COQ10B: variants seen among roughly 807,000 people sequenced by gnomAD.
COQ10B encodes coenzyme Q10B, also known as coenzyme Q-binding protein COQ10 homolog B, mitochondrial.
In COQ10B, 12 loss-of-function variants were observed where a neutral mutation model predicts 27.6. That is an observed-to-expected ratio of 0.43 (90% CI 0.28 to 0.70). The LOEUF (loss-of-function observed/expected upper bound fraction) is 0.70. Among genes scored for constraint, COQ10B ranks in the 30% least tolerant of loss-of-function variants. COQ10B has a pLI of 0.17. For synonymous variants in COQ10B, 115 were observed against 103.0 expected (o/e 1.12, Z -0.71); for missense variants, 278 against 288.7 (o/e 0.96, Z 0.27).
intron 4 of COQ10B, among the ~76,000 whole-genome samples, chr2:197,471,883 A>C (rs556927445): frequency 1.3e-5 from 2 of 151,438 alleles, no homozygotes; most frequent in South Asian, 4.2e-4. Flanking sequence ...TGGACGTTGC[A>C]GTGATCTGAG....
chr2:197,468,294 T>A (rs1046831057), intron 3 of COQ10B, among the ~76,000 whole-genome samples: 1 of 151,412 alleles, frequency 6.6e-6, no homozygotes, highest in Admixed American at 6.6e-5. Context: ...CGAAAAAAAA[T>A]TAGCCGAGCA....
At position 197,474,572 on chromosome 2, in the gene COQ10B, G is replaced by C. The variant is rs557923325; in HGVS notation, c.*648G>C. 6.6e-6 allele frequency: 1 copy of C among 152,348 alleles called. No homozygotes were observed. Among genetic ancestry groups the C allele is most frequent in the East Asian group, 1.9e-4 (1 of 5,192 alleles). The allele number at this position is 152,348 out of a possible 1,614,324, so 9.4% of individuals were successfully genotyped here. ...GTGGTGGCACACACCTGTAATCCCA[G>C]TTACTTGGGAGGCTGAGGCACAAGA... On this transcript the variant is annotated 3_prime_UTR_variant, in exon 5 of 5. Transcript: ENST00000263960.
At chr2:197,459,202 G>T (rs1330128936) in intron 1 of COQ10B, among the ~76,000 whole-genome samples, 1 of 152,154 alleles carries the variant, frequency 6.6e-6, no homozygotes, top group African/African-American at 2.4e-5. Flanking sequence ...GTCTCGCCCT[G>T]TCACCCAGGC....
At chr2:197,454,250 G>C in intron 1 of COQ10B, 1 of 1,065,374 alleles carries the variant, frequency 9.4e-7, no homozygotes, top group South Asian at 1.7e-5. Context: ...TTTCCTGGTT[G>C]GTTCATTTTT....
At chr2:197,453,837 A>C in intron 1 of COQ10B, 173 bp downstream of exon 1, 2 of 1,098,356 alleles carry the variant, frequency 1.8e-6, no homozygotes, top group Non-Finnish European at 2.6e-6. Context: ...AGCGGCGCGC[A>C]TCACCTTGGG....
At chr2:197,456,321 T>TG (rs1256891898) in intron 1 of COQ10B, among the ~76,000 whole-genome samples, 1 of 148,324 alleles carries the variant, frequency 6.7e-6, no homozygotes, top group African/African-American at 2.5e-5. Flanking sequence ...AAAAATTACC[T>TG]GGGTGTGGTG....
chr2:197,465,284 G>A (rs1249251673), intron 3 of COQ10B, among the ~76,000 whole-genome samples: 1 of 148,502 alleles, frequency 6.7e-6, no homozygotes, highest in African/African-American at 2.5e-5. Context: ...TCTGTTCCCT[G>A]CCGCCTTTTT....
At chr2:197,457,747 G>A (rs1307244723) in intron 1 of COQ10B, among the ~76,000 whole-genome samples, 4 of 151,126 alleles carry the variant, frequency 2.6e-5, no homozygotes, top group Admixed American at 2.0e-4. Flanking sequence ...TCAGCCTCCC[G>A]AGTAGCTGGG....
chr2:197,464,032 T>C (rs1489928849), intron 3 of COQ10B, among the ~76,000 whole-genome samples: 46 of 84,658 alleles, frequency 5.4e-4, no homozygotes, highest in Admixed American at 1.7e-3. Flanking sequence ...CACACATACA[T>C]ACACACACAT....
rs2085931515 is a variant in COQ10B, at chr2:197,474,752, T to C, written c.*828T>C. 6.6e-6 allele frequency: 1 copy of C among 151,974 alleles called. No individual in the cohort carries two copies. The highest frequency in any genetic ancestry group is 1.5e-5 in the Non-Finnish European group (1 of 67,998). The allele number at this position is 151,974 out of a possible 1,614,324, so 9.4% of individuals were successfully genotyped here. A position where few individuals can be genotyped will look rare whatever the true frequency, so the allele number is the denominator to read the frequency against. On this transcript the variant is annotated 3_prime_UTR_variant, in exon 5 of 5. Transcript: ENST00000263960. ...CTTTTGATATTTTAAAAATTGTTCTTATGACTAGTAGATAAATTCATTGCC... is the reference window on the plus strand; with the variant it reads ...CTTTTGATATTTTAAAAATTGTTCTCATGACTAGTAGATAAATTCATTGCC...
At chr2:197,462,809 C>T in intron 3 of COQ10B, 78 bp downstream of exon 3, 1 of 840,952 alleles carries the variant, frequency 1.2e-6, no homozygotes, top group South Asian at 2.2e-5. Flanking sequence ...ATGTAATAGC[C>T]TAAAAAAACT....
Position 197,473,828 on chromosome 2 carries a change from G to A in COQ10B, c.621G>A (p.Gln207=). 2 of 1,602,520 alleles carry A rather than the reference G, an allele frequency of 1.2e-6. No homozygotes were observed. Among genetic ancestry groups the A allele is most frequent in the Non-Finnish European group, 1.7e-6 (2 of 1,172,476 alleles). Residue 207 remains glutamine (Q), a synonymous_variant, in exon 5 of 5, where the codon CAG becomes CAA. Coordinates refer to ENST00000263960, the MANE Select transcript of COQ10B (RefSeq NM_025147.5). The part of the protein sequence containing the change: ...ATLFFDEVVK[Q]MVAAFERRAC... ...TCTTTTTTGATGAAGTTGTGAAGCAGATGGTAGCTGCCTTTGAAAGAAGAG... is the reference window on the plus strand; with the variant it reads ...TCTTTTTTGATGAAGTTGTGAAGCAAATGGTAGCTGCCTTTGAAAGAAGAG...
intron 3 of COQ10B, among the ~76,000 whole-genome samples, chr2:197,469,328 C>T (rs569658482): frequency 1.3e-5 from 2 of 152,250 alleles, no homozygotes; most frequent in Non-Finnish European, 2.9e-5. Flanking sequence ...CCTTGGCCTC[C>T]CAAAGTGATG....
At chr2:197,458,321 A>G (rs1036222131) in intron 1 of COQ10B, among the ~76,000 whole-genome samples, 1 of 152,082 alleles carries the variant, frequency 6.6e-6, no homozygotes. Context: ...GTTATTATAT[A>G]TGTACACACT....
chr2:197,462,663 A>G lies in COQ10B; in HGVS notation c.379A>G (p.Ile127Val). ...TGGATATTGTAAAACAAGATTAGAAATTGGATTTCCACCTGTGTTGGAGCG... is the reference window on the plus strand; with the variant it reads ...TGGATATTGTAAAACAAGATTAGAAGTTGGATTTCCACCTGTGTTGGAGCG... ...RSGYCKTRLE[I>V]GFPPVLERYT... is the part of the protein sequence containing the mutation. Residue 127 changes from isoleucine to valine, a missense_variant, in exon 3 of 5, where the codon ATT (isoleucine) becomes GTT (valine). Coordinates refer to ENST00000263960, the MANE Select transcript of COQ10B (RefSeq NM_025147.5). 1 of 1,605,086 alleles carries G rather than the reference A, an allele frequency of 6.2e-7. No individual in the cohort carries two copies. Among genetic ancestry groups the G allele is most frequent in the Non-Finnish European group, 8.5e-7 (1 of 1,176,190 alleles).
chr2:197,458,831 C>A (rs1345323082), intron 1 of COQ10B, among the ~76,000 whole-genome samples: 1 of 152,038 alleles, frequency 6.6e-6, no homozygotes, highest in Non-Finnish European at 1.5e-5. Flanking sequence ...CAGGCGCCTG[C>A]CACCACACTC....
At position 197,453,585 on chromosome 2, in the gene COQ10B, G is replaced by C. The variant is rs1202870583; in HGVS notation, c.25G>C (p.Ala9Pro). 3.7e-6 allele frequency: 6 copies of C among 1,613,940 alleles called. No homozygotes were observed. The highest frequency in any genetic ancestry group is 4.2e-6 in the Non-Finnish European group (5 of 1,179,996). Residue 9 changes from alanine to proline, a missense_variant, in exon 1 of 5, where the codon GCC (alanine) becomes CCC (proline). By Grantham distance (27) the Ala-to-Pro change is conservative. Coordinates refer to ENST00000263960, the MANE Select transcript of COQ10B (RefSeq NM_025147.5). MAARTGHT[A>P]LRRVVSGCRP... ...CATGGCAGCTCGGACTGGTCATACG[G>C]CCTTGAGAAGGGTAGTCTCGGGATG...
chr2:197,466,084 C>G (rs542579826), intron 3 of COQ10B, among the ~76,000 whole-genome samples: 129 of 152,264 alleles, frequency 8.5e-4, no homozygotes, highest in African/African-American at 3.1e-3. Context: ...GAGTGAAATT[C>G]CGTCTCAAAA....
At chr2:197,467,408 G>A (rs370382731) in intron 3 of COQ10B, among the ~76,000 whole-genome samples, 5 of 151,364 alleles carry the variant, frequency 3.3e-5, no homozygotes, top group African/African-American at 7.3e-5. Flanking sequence ...ATGGAGTTTC[G>A]CTCTTGTTTT....
Sources: allele counts gnomAD v4.1 joint callset (sites outside exome capture counted in the v4.1 genomes callset), GRCh38; gene constraint gnomAD v4.1.1; transcripts MANE v1.5; gene names NCBI Gene and HGNC (gene_info 2026-07-23, HGNC 2026-07-21).